The following TEAD4 variants were observed in gnomAD, a reference collection of about 807,000 sequenced individuals.
The protein encoded by TEAD4 is transcriptional enhancer factor TEF-3.
A neutral mutation model predicts 52.4 loss-of-function variants in TEAD4; 36 were observed. The ratio of observed to expected loss-of-function variants is 0.69; its 90% CI spans 0.53 to 0.91. TEAD4 has a LOEUF of 0.91. Among genes scored for constraint, TEAD4 ranks in the 40% least tolerant of loss-of-function variants. The pLI, the probability that TEAD4 is intolerant of heterozygous loss-of-function variation, is 0.00. For synonymous variants in TEAD4, 220 were observed against 231.0 expected, an observed-to-expected ratio of 0.95 and a Z score of 0.43; for missense variants, 508 against 583.9, an observed-to-expected ratio of 0.87 and a Z score of 1.34.
chr12:2,962,089 C>A lies in TEAD4; in HGVS notation c.-30+2049C>A, dbSNP rs559929280. The stretch of plus-strand genomic sequence containing the variant: ...TACCCTAATGTCAGCATCTAAGTCC[C>A]CCATTTTATTTTATTTTACTTTATT... On this transcript the variant is annotated intron_variant, in intron 2 of 12. Coordinates refer to ENST00000359864, the MANE Select transcript of TEAD4 (RefSeq NM_003213.4). Among the ~76,000 whole-genome samples, 14 of 151,274 alleles carry A rather than the reference C, an allele frequency of 9.3e-5. No homozygotes were observed. In the South Asian group the frequency reaches 2.3e-3, roughly 25 times the overall value.
At chr12:3,034,931 T>TA (rs35998140) in intron 10 of TEAD4, among the ~76,000 whole-genome samples, 7,772 of 145,974 alleles carry the variant, frequency 0.053, 287 homozygotes, top group African/African-American at 0.1. Context: ...CCACCTCTAC[T>TA]AAAAAAAAAA....
At chr12:2,988,078 A>C (rs993804509) in intron 2 of TEAD4, among the ~76,000 whole-genome samples, 2 of 151,802 alleles carry the variant, frequency 1.3e-5, no homozygotes, top group African/African-American at 4.8e-5. Flanking sequence ...AAAAAAACAA[A>C]AACAAAATAA....
At position 2,985,694 on chromosome 12, in the gene TEAD4, C is replaced by T. The variant is rs994985355; in HGVS notation, c.-29-9044C>T. Among the ~76,000 whole-genome samples, 6 of 151,594 alleles carry T rather than the reference C, an allele frequency of 4.0e-5. No individual in the cohort carries two copies. The South Asian group carries it at 1.0e-3, about 26-fold the overall frequency. On this transcript the variant is annotated intron_variant, in intron 2 of 12. Coordinates refer to ENST00000359864, the MANE Select transcript of TEAD4 (RefSeq NM_003213.4). ...CTAATTTTTGTATTTTTAGTAGAGA[C>T]GGGGTTTCAGCATATTGGCCAGGGT...
In TEAD4 at chr12:3,012,757, T is replaced by C. The variant is rs541478112; in HGVS notation, c.354+525T>C. The stretch of plus-strand genomic sequence containing the variant: ...GTGATGGCTCTGGGGGGCCTGATGT[T>C]GCTGGCATTCCCCTCGGGGTAGCCC... On this transcript the variant is annotated intron_variant, in intron 5 of 12. Coordinates refer to ENST00000359864, the MANE Select transcript of TEAD4 (RefSeq NM_003213.4). Among the ~76,000 whole-genome samples, 18 of 152,222 alleles carry C rather than the reference T, an allele frequency of 1.2e-4. No homozygotes were observed. The East Asian group carries it at 3.3e-3, about 28-fold the overall frequency.
intron 3 of TEAD4, among the ~76,000 whole-genome samples, chr12:3,002,882 C>T (rs1213758186): frequency 3.3e-5 from 5 of 152,108 alleles, no homozygotes; most frequent in South Asian, 4.1e-4. Context: ...AGCCTCAGAG[C>T]CCTCCAGGGA....
At position 2,977,673 on chromosome 12, in the gene TEAD4, C is replaced by T. The variant is rs541939021; in HGVS notation, c.-29-17065C>T. 1.6e-4 allele frequency among the ~76,000 whole-genome samples: 25 copies of T among 152,316 alleles called. No individual in the cohort carries two copies. In the South Asian group the frequency reaches 5.2e-3, roughly 32 times the overall value. On this transcript the variant is annotated intron_variant, in intron 2 of 12. Coordinates refer to ENST00000359864, the MANE Select transcript of TEAD4 (RefSeq NM_003213.4). Reference sequence around the variant, plus strand: ...AGTAAGTTGCTGAACAGCTGTGCAACGTAGCTGGTGAGAGGCAGGTTTCAC... The same window carrying T: ...AGTAAGTTGCTGAACAGCTGTGCAATGTAGCTGGTGAGAGGCAGGTTTCAC...
intron 10 of TEAD4, among the ~76,000 whole-genome samples, chr12:3,026,626 C>G (rs4766025): frequency 1.3e-5 from 2 of 152,198 alleles, no homozygotes; most frequent in African/African-American, 4.8e-5. Context: ...GTAAGGAACC[C>G]GGGAAAGGTA....
intron 2 of TEAD4, among the ~76,000 whole-genome samples, chr12:2,992,983 C>G (rs1171673940): frequency 1.3e-5 from 2 of 152,148 alleles, no homozygotes; most frequent in Non-Finnish European, 2.9e-5. Context: ...AAAGTCAATC[C>G]TGCCGTTGCT....
chr12:3,000,025 C>T (rs2098250437), intron 3 of TEAD4, among the ~76,000 whole-genome samples: 1 of 152,136 alleles, frequency 6.6e-6, no homozygotes, highest in South Asian at 2.1e-4. Flanking sequence ...GTGGGCCATC[C>T]TATTAGCAGC....
chr12:2,995,820 A>G (rs537500465), intron 3 of TEAD4, among the ~76,000 whole-genome samples: 22 of 152,220 alleles, frequency 1.4e-4, no homozygotes, highest in African/African-American at 4.6e-4. Context: ...CAGCCTGGGC[A>G]ACAAAGCGAG....
intron 2 of TEAD4, among the ~76,000 whole-genome samples, chr12:2,973,061 C>A (rs1387839781): frequency 2.0e-5 from 3 of 152,024 alleles, no homozygotes; most frequent in Admixed American, 2.0e-4. Context: ...ATAATTTTGC[C>A]TTTCAAGAAT....
At position 3,037,999 on chromosome 12, in the gene TEAD4, G is replaced by A. The variant is rs1028228180; in HGVS notation, c.929G>A (p.Gly310Asp). The stretch of plus-strand genomic sequence containing the variant: ...CTCAACACCAACATCGAGGATGAAG[G>A]CAGCTCCTTCTATGGGGTCTCCAGC... The change falls in exon 11 of 13, where the codon GGC becomes GAC. Residue 310 changes from glycine to aspartate, a missense_variant. Coordinates refer to ENST00000359864, the MANE Select transcript of TEAD4 (RefSeq NM_003213.4). 7.4e-6 allele frequency: 12 copies of A among 1,613,848 alleles called. No homozygotes were observed. The African/African-American group carries it at 1.3e-4, about 18-fold the overall frequency.
At chr12:2,961,817 C>T (rs1489114632) in intron 2 of TEAD4, among the ~76,000 whole-genome samples, 1 of 152,146 alleles carries the variant, frequency 6.6e-6, no homozygotes, top group East Asian at 1.9e-4. Flanking sequence ...ATTAGTGTTT[C>T]TCTGAGCACC....
At chr12:3,011,300 G>A (rs889442439) in intron 4 of TEAD4, among the ~76,000 whole-genome samples, 1 of 151,888 alleles carries the variant, frequency 6.6e-6, no homozygotes. Flanking sequence ...ACGTGATCTC[G>A]GCTCACCGCA....
At chr12:2,973,886 G>T (rs539247031) in intron 2 of TEAD4, among the ~76,000 whole-genome samples, 1 of 152,356 alleles carries the variant, frequency 6.6e-6, no homozygotes, top group East Asian at 1.9e-4. Flanking sequence ...CAGGAGTAAG[G>T]TGCTGGGTGT....
intron 10 of TEAD4, among the ~76,000 whole-genome samples, chr12:3,025,094 A>G (rs7297810): frequency 0.8 from 121,801 of 151,972 alleles, 49,699 homozygotes; most frequent in East Asian, 1. Context: ...ACAGGCACCC[A>G]CCATCATGGC....
At chr12:2,965,272 T>C (rs1235704370) in intron 2 of TEAD4, among the ~76,000 whole-genome samples, 1 of 151,614 alleles carries the variant, frequency 6.6e-6, no homozygotes, top group Non-Finnish European at 1.5e-5. Flanking sequence ...CAATCCTCAT[T>C]GCCTTAACCT....
chr12:2,978,468 A>G (rs563365959), intron 2 of TEAD4, among the ~76,000 whole-genome samples: 1 of 150,792 alleles, frequency 6.6e-6, no homozygotes, highest in East Asian at 2.0e-4. Flanking sequence ...GCTGGAGTGC[A>G]GTGGTGCGAT....
intron 2 of TEAD4, chr12:2,960,335 G>A (rs1282915601): frequency 1.0e-6 from 1 of 985,526 alleles, no homozygotes; most frequent in African/African-American, 1.7e-5. Context: ...TTTCGAGCCT[G>A]GAAGGGAGAG....
Sources: allele counts gnomAD v4.1 joint callset (sites outside exome capture counted in the v4.1 genomes callset), GRCh38; gene constraint gnomAD v4.1.1; transcripts MANE v1.5; gene names NCBI Gene and HGNC (gene_info 2026-07-23, HGNC 2026-07-21).